The following ITGA11 variants were observed in gnomAD, a reference collection of about 807,000 sequenced individuals.
ITGA11 encodes the protein integrin alpha-11.
Under a neutral mutation model 141.9 loss-of-function variants are expected in ITGA11, and 97 were observed. The observed-to-expected ratio is 0.68, with a 90% CI of 0.58 to 0.81. ITGA11 has a LOEUF of 0.81. Among genes scored for constraint, ITGA11 ranks in the 30% least tolerant of loss-of-function variants. ITGA11 has a pLI of 0.00. For missense variants in ITGA11, 1,387 were observed against 1,559.2 expected, an observed-to-expected ratio of 0.89 and a Z score of 1.86; for synonymous variants, 658 against 624.6, an observed-to-expected ratio of 1.05 and a Z score of -0.80.
At position 68,358,595 on chromosome 15, in the gene ITGA11, G is replaced by A. The variant is rs751595611; in HGVS notation, c.473-10C>T. On this transcript the variant is annotated splice_polypyrimidine_tract_variant and intron_variant, in intron 5 of 29. Transcript: ENST00000315757. ...ATGTAGGTCTGGCACCCTGGAAAGT[G>A]GGGACACAGTTATGGCTACCCAAGG... 6.2e-7 allele frequency: 1 copy of A among 1,607,988 alleles called. No homozygotes were observed. The highest frequency in any genetic ancestry group is 8.5e-7 in the Non-Finnish European group (1 of 1,177,616).
chr15:68,360,454 C>T (rs1895203963), intron 5 of ITGA11, among the ~76,000 whole-genome samples: 1 of 152,100 alleles, frequency 6.6e-6, no homozygotes, highest in African/African-American at 2.4e-5. Flanking sequence ...CTGAACACTC[C>T]CTTGGGGAGC....
At chr15:68,352,077 T>C (rs1894929385) in intron 7 of ITGA11, among the ~76,000 whole-genome samples, 1 of 107,028 alleles carries the variant, frequency 9.3e-6, no homozygotes. Flanking sequence ...AGTGAGACTG[T>C]CTCAAAACAA....
rs1320084970 is a variant in ITGA11, at chr15:68,333,642, CT to C, written c.1426-1165del. ...GTGCCAATTCACCAACTGCTCCCCCCTGCTTCGTCCCTAGGTGAGGCGCCTT... is the reference window on the plus strand; with the variant it reads ...GTGCCAATTCACCAACTGCTCCCCCCGCTTCGTCCCTAGGTGAGGCGCCTT... On this transcript the variant is annotated intron_variant, in intron 12 of 29. Transcript: ENST00000315757. This position sits in a 1 kb window ranked among gnomAD's most constrained non-coding sequence, Gnocchi z 4.2. Among the ~76,000 whole-genome samples, 1 of 152,204 alleles carries C rather than the reference CT, an allele frequency of 6.6e-6. No homozygotes were observed. Among genetic ancestry groups the C allele is most frequent in the African/African-American group, 2.4e-5 (1 of 41,450 alleles).
rs199682107 is a variant in ITGA11 at position 68,351,243 on chromosome 15, C to A, written c.894+15G>T. ...TCAGAGGCCATCAGCAGCCCTTGGG[C>A]GGGCCAGGACTTACGGCCACCGCAT... On this transcript the variant is annotated intron_variant, in intron 8 of 29. Transcript: ENST00000315757. 3 of 1,612,856 alleles carry A rather than the reference C, an allele frequency of 1.9e-6. No homozygotes were observed. The highest frequency in any genetic ancestry group is 1.3e-5 in the African/African-American group (1 of 74,892).
chr15:68,403,125 C>T (rs1896552150), intron 1 of ITGA11, 96 bp from the exon 2 acceptor site: 3 of 754,924 alleles, frequency 4.0e-6, no homozygotes, highest in African/African-American at 1.7e-5. Context: ...GGTCATGAAC[C>T]TTGGAGGGTC....
intron 1 of ITGA11, among the ~76,000 whole-genome samples, chr15:68,406,853 A>C (rs1320793781): frequency 1.3e-5 from 2 of 152,322 alleles, no homozygotes; most frequent in Non-Finnish European, 2.9e-5. Context: ...GATCCTAGGC[A>C]TCTAACCGTG....
chr15:68,354,566 C>T (rs1895012893), intron 7 of ITGA11, among the ~76,000 whole-genome samples: 1 of 152,194 alleles, frequency 6.6e-6, no homozygotes, highest in Non-Finnish European at 1.5e-5. Flanking sequence ...GCAAATGTTC[C>T]TTGACTTTCC....
In ITGA11 at chr15:68,358,509, G is replaced by C. The variant is rs758659433; in HGVS notation, c.549C>G (p.His183Gln). 1 of 1,614,132 alleles carries C rather than the reference G, an allele frequency of 6.2e-7. No homozygotes were observed. The highest frequency in any genetic ancestry group is 8.5e-7 in the Non-Finnish European group (1 of 1,180,002). Residue 183 changes from histidine (H) to glutamine (Q), a missense_variant, in exon 6 of 30, where the codon CAC becomes CAG. His to Gln is a conservative substitution (Grantham distance 24, BLOSUM62 0). Transcript: ENST00000315757. ...NSIYPWVEVQ[H>Q]FLINILKKFY... ...ACTTTTTCAGGATGTTGATGAGGAA[G>C]TGCTGAACCTCCACCCAGGGGTAGA...
At chr15:68,372,259 C>T (rs914334649) in intron 2 of ITGA11, among the ~76,000 whole-genome samples, 2 of 152,152 alleles carry the variant, frequency 1.3e-5, no homozygotes, top group Admixed American at 6.5e-5. Context: ...GGATAACTGC[C>T]GAAGCGCAGG....
intron 3 of ITGA11, chr15:68,365,376 C>A (rs1238063300): frequency 1.0e-6 from 1 of 981,392 alleles, no homozygotes; most frequent in Non-Finnish European, 1.2e-6. Flanking sequence ...AAGGAGGCTG[C>A]CAAGAGAGGT....
In ITGA11 at chr15:68,302,052, G is replaced by A. The variant is rs1353454683; in HGVS notation, c.*1007C>T. ...TGGCGGGCATGAGGGAAGGATGGGA[G>A]GCAGTGTGTGTGTGTGTGTGTGTGT... On this transcript the variant is annotated 3_prime_UTR_variant, in exon 30 of 30. Coordinates refer to ENST00000315757, the MANE Select transcript of ITGA11 (RefSeq NM_001004439.2). 1 of 152,226 alleles carries A rather than the reference G, an allele frequency of 6.6e-6. No individual in the cohort carries two copies. The highest frequency in any genetic ancestry group is 2.5e-5 in the African/African-American group (1 of 39,650). The allele number at this position is 152,226 out of a possible 1,614,324, so 9.4% of individuals were successfully genotyped here.
At position 68,299,717 on chromosome 15, in the gene ITGA11, T is replaced by G. The variant is rs891078060; in HGVS notation, c.*3342A>C. ...CCAGGGGACTGACTCAAGTCTAATG[T>G]CTTATTCTCAGACAGTATTGATGCT... On this transcript the variant is annotated 3_prime_UTR_variant, in exon 30 of 30. Coordinates refer to ENST00000315757, the MANE Select transcript of ITGA11 (RefSeq NM_001004439.2). The G allele has an allele frequency of 6.6e-6, 1 of 152,174 alleles. No individual in the cohort carries two copies. The highest frequency in any genetic ancestry group is 1.5e-5 in the Non-Finnish European group (1 of 68,038). 9.4% of individuals were successfully genotyped at this position (152,174 alleles called of 1,614,324 possible).
At chr15:68,306,746 ATCT>A (rs898659628) in intron 28 of ITGA11, among the ~76,000 whole-genome samples, 32 of 152,298 alleles carry the variant, frequency 2.1e-4, no homozygotes, top group African/African-American at 7.5e-4. Context: ...GCTCTCCAGC[ATCT>A]CCCTGGGGTG....
chr15:68,373,233 G>T (rs1166338279), intron 2 of ITGA11, among the ~76,000 whole-genome samples: 1 of 152,056 alleles, frequency 6.6e-6, no homozygotes, highest in Non-Finnish European at 1.5e-5. Context: ...GGCCAATGTT[G>T]TAGTGTCATG....
intron 2 of ITGA11, among the ~76,000 whole-genome samples, chr15:68,382,500 C>T (rs972923911): frequency 6.6e-6 from 1 of 152,214 alleles, no homozygotes; most frequent in Non-Finnish European, 1.5e-5. Flanking sequence ...CTTTGGGCTT[C>T]CCCAAGATTT....
intron 26 of ITGA11, among the ~76,000 whole-genome samples, chr15:68,309,934 G>A (rs1893326070): frequency 1.3e-5 from 2 of 152,120 alleles, no homozygotes; most frequent in African/African-American, 2.4e-5. Context: ...ATTAGCTGAG[G>A]AATAATGGTT....
intron 1 of ITGA11, among the ~76,000 whole-genome samples, chr15:68,408,677 T>G (rs1896702022): frequency 6.6e-6 from 1 of 152,100 alleles, no homozygotes; most frequent in Admixed American, 6.5e-5. Context: ...TGTGGAGGAA[T>G]AGGTGAAGTG....
At chr15:68,418,097 G>A (rs1366150976) in intron 1 of ITGA11, among the ~76,000 whole-genome samples, 2 of 152,172 alleles carry the variant, frequency 1.3e-5, no homozygotes, top group African/African-American at 4.8e-5. Flanking sequence ...ATGGTGGGAG[G>A]ATTTACATCA....
At position 68,326,914 on chromosome 15, in the gene ITGA11, C is replaced by T. The variant is rs530243382; in HGVS notation, c.2069-118G>A. ...GGGGAGAGCTGTTCCTTTCCTCTCA[C>T]GAGCCCCAGTGTGGGTGAGAAACTC... is the stretch of plus-strand genomic sequence containing the variant. On this transcript the variant is annotated intron_variant, in intron 16 of 29. Transcript: ENST00000315757. The surrounding 1 kb of genome is among the most constrained non-coding windows in gnomAD (Gnocchi z 6.8). 18 of 1,124,032 alleles carry T rather than the reference C, an allele frequency of 1.6e-5. No individual in the cohort carries two copies. The highest frequency in any genetic ancestry group is 5.3e-5 in the East Asian group (2 of 37,568). The allele number at this position is 1,124,032 out of a possible 1,614,324, so 69.6% of individuals were successfully genotyped here.
Sources: gnomAD v4.1 joint callset for allele counts (sites outside exome capture counted in the v4.1 genomes callset) on GRCh38, gnomAD v4.1.1 for gene constraint, Gnocchi (gnomAD v3.1) non-coding constraint, MANE v1.5 for transcripts, NCBI Gene and HGNC (gene_info 2026-07-23, HGNC 2026-07-21) for gene names.